RBFOX1: variants seen among roughly 807,000 people sequenced by gnomAD.
The protein encoded by RBFOX1 is RNA binding protein fox-1 homolog 1.
RBFOX1 carries 8 observed loss-of-function variants against 57.7 expected under a neutral mutation model. The ratio of observed to expected loss-of-function variants is 0.14; its 90% CI spans 0.08 to 0.25. The LOEUF is 0.25. Among genes scored for constraint, RBFOX1 ranks in the 10% least tolerant of loss-of-function variants. The pLI is 1.00. For missense variants in RBFOX1, 611 were observed against 548.5 expected, an observed-to-expected ratio of 1.11 and a Z score of -1.14; for synonymous variants, 326 against 222.4, an observed-to-expected ratio of 1.47 and a Z score of -4.15.
At chr16:7,583,148 C>CTT (rs34658435) in intron 6 of RBFOX1, among the ~76,000 whole-genome samples, 6 of 132,394 alleles carry the variant, frequency 4.5e-5, no homozygotes, top group South Asian at 2.3e-4. Flanking sequence ...TCTAGCTCAT[C>CTT]TTTTTTTTTT....
At chr16:5,862,005 A>C (rs1446043388) in intron 3 of RBFOX1, among the ~76,000 whole-genome samples, 1 of 152,204 alleles carries the variant, frequency 6.6e-6, no homozygotes, top group Non-Finnish European at 1.5e-5. Flanking sequence ...AGGAATTCTC[A>C]GGCCTGAGAG....
At chr16:6,875,156 A>C (rs941895318) in intron 3 of RBFOX1, among the ~76,000 whole-genome samples, 5 of 152,198 alleles carry the variant, frequency 3.3e-5, no homozygotes, top group Non-Finnish European at 7.3e-5. Flanking sequence ...TATAATGCCT[A>C]CAGTGCTTGT....
chr16:6,187,883 C>G (rs748489914), intron 1 of RBFOX1, among the ~76,000 whole-genome samples: 1 of 152,130 alleles, frequency 6.6e-6, no homozygotes. Context: ...ATGTGTTAAC[C>G]TTAGAATGTT....
intron 4 of RBFOX1, among the ~76,000 whole-genome samples, chr16:7,455,472 A>G (rs919699998): frequency 6.6e-6 from 1 of 152,108 alleles, no homozygotes; most frequent in African/African-American, 2.4e-5. Context: ...AGATATGGAC[A>G]TTTTGTGGGG....
At chr16:7,349,413 AT>A (rs1262758619) in intron 4 of RBFOX1, among the ~76,000 whole-genome samples, 2 of 152,222 alleles carry the variant, frequency 1.3e-5, no homozygotes, top group Non-Finnish European at 2.9e-5. Context: ...TCCTCAAAGT[AT>A]AACATTTTTC....
intron 4 of RBFOX1, among the ~76,000 whole-genome samples, chr16:7,388,419 G>A (rs2097920389): frequency 6.6e-6 from 1 of 152,152 alleles, no homozygotes; most frequent in South Asian, 2.1e-4. Context: ...GTAGAGTGAA[G>A]TGTGCAATAT....
chr16:6,993,082 T>C (rs2153614796), intron 3 of RBFOX1, among the ~76,000 whole-genome samples: 1 of 152,318 alleles, frequency 6.6e-6, no homozygotes, highest in East Asian at 1.9e-4. Context: ...CCTAATTTCT[T>C]TTGTTAGTCT....
At chr16:7,298,291 T>TG (rs1295249199) in intron 4 of RBFOX1, among the ~76,000 whole-genome samples, 40 of 141,182 alleles carry the variant, frequency 2.8e-4, no homozygotes, top group African/African-American at 8.5e-4. Context: ...TTTTGTTTTT[T>TG]TTTTTTTTTT....
At chr16:6,090,920 A>G (rs1017123491) in intron 1 of RBFOX1, among the ~76,000 whole-genome samples, 3 of 152,244 alleles carry the variant, frequency 2.0e-5, no homozygotes, top group Admixed American at 1.3e-4. Flanking sequence ...ACTTAAAAAA[A>G]GTATTGATTC....
intron 2 of RBFOX1, among the ~76,000 whole-genome samples, chr16:6,514,247 G>A (rs1486570524): frequency 6.6e-6 from 1 of 152,236 alleles, no homozygotes; most frequent in Non-Finnish European, 1.5e-5. Context: ...GCCATTTGTA[G>A]CACACACACG....
intron 3 of RBFOX1, among the ~76,000 whole-genome samples, chr16:5,781,242 C>T (rs563240092): frequency 7.2e-4 from 109 of 152,294 alleles, no homozygotes; most frequent in Middle Eastern, 3.4e-3. Flanking sequence ...AGGGTGCATC[C>T]TCTAAGTGGG....
In RBFOX1 at chr16:7,010,501, T is replaced by C. The variant is rs2093602755; in HGVS notation, c.-15-41556T>C. 3.3e-5 allele frequency among the ~76,000 whole-genome samples: 5 copies of C among 151,852 alleles called. No homozygotes were observed. The South Asian group carries it at 1.0e-3, about 32-fold the overall frequency. On this transcript the variant is annotated intron_variant, in intron 3 of 15. Coordinates refer to ENST00000550418, the MANE Select transcript of RBFOX1 (RefSeq NM_018723.4). ...TGGTGGCCAGTGAAGGAGATGTGGG[T>C]TGGAAAAGGAGGGAGAGACACTGAT...
At chr16:6,744,983 A>T (rs1005463094) in intron 3 of RBFOX1, among the ~76,000 whole-genome samples, 5 of 152,060 alleles carry the variant, frequency 3.3e-5, no homozygotes, top group African/African-American at 1.2e-4. Flanking sequence ...TACCAATATC[A>T]GTATAGAAAG....
chr16:7,690,795 A>T (rs1055066904), intron 14 of RBFOX1, among the ~76,000 whole-genome samples: 3 of 152,128 alleles, frequency 2.0e-5, no homozygotes, highest in Admixed American at 6.6e-5. Context: ...TGGGCCCTCT[A>T]AATCAATAGT....
chr16:5,819,042 C>G (rs2055750165), intron 3 of RBFOX1, among the ~76,000 whole-genome samples: 1 of 152,166 alleles, frequency 6.6e-6, no homozygotes, highest in African/African-American at 2.4e-5. Context: ...TGCTTTCTCT[C>G]CATCCACAGG....
In RBFOX1 at chr16:6,987,882, C is replaced by G. The variant is rs142547248; in HGVS notation, c.-15-64175C>G. ...GCATCTCAAAGCAGCCACATTTTATCCCTATTCGGGTCAGAAATGAAATGT... is the reference window on the plus strand; with the variant it reads ...GCATCTCAAAGCAGCCACATTTTATGCCTATTCGGGTCAGAAATGAAATGT... On this transcript the variant is annotated intron_variant, in intron 3 of 15. Coordinates refer to ENST00000550418, the MANE Select transcript of RBFOX1 (RefSeq NM_018723.4). 6.2e-3 allele frequency among the ~76,000 whole-genome samples: 939 copies of G among 152,234 alleles called. 4 individuals are homozygous for G. Among genetic ancestry groups the G allele is most frequent in the Middle Eastern group, 0.024 (7 of 294 alleles).
intron 1 of RBFOX1, among the ~76,000 whole-genome samples, chr16:5,240,893 G>A (rs541096576): frequency 4.9e-4 from 74 of 152,318 alleles, no homozygotes; most frequent in African/African-American, 1.8e-3. Flanking sequence ...CACTGGGGAG[G>A]CACGCGGGTT....
chr16:6,465,971 G>A (rs2095040133), intron 2 of RBFOX1, among the ~76,000 whole-genome samples: 1 of 152,010 alleles, frequency 6.6e-6, no homozygotes, highest in African/African-American at 2.4e-5. Context: ...GCTCATGCCT[G>A]TAATCCTAGC....
intron 4 of RBFOX1, among the ~76,000 whole-genome samples, chr16:5,929,625 A>G (rs972163045): frequency 6.6e-6 from 1 of 152,220 alleles, no homozygotes; most frequent in African/African-American, 2.4e-5. Flanking sequence ...TCATAATATA[A>G]TAATAAAGTG....
Sources: allele counts gnomAD v4.1 joint callset (sites outside exome capture counted in the v4.1 genomes callset), GRCh38; gene constraint gnomAD v4.1.1; transcripts MANE v1.5; gene names NCBI Gene and HGNC (gene_info 2026-07-23, HGNC 2026-07-21).